THAP9: variants seen among roughly 807,000 people sequenced by gnomAD.
THAP9 encodes the protein THAP domain containing 9, also known as DNA transposase THAP9.
THAP9 carries 20 observed loss-of-function variants against 35.7 expected under a neutral mutation model. The ratio of observed to expected loss-of-function variants is 0.56; its 90% confidence interval spans 0.39 to 0.81. The LOEUF is 0.81. Ranked by LOEUF, THAP9 falls within the 40% of genes least tolerant of loss-of-function variation. The pLI is 0.00. For synonymous variants in THAP9, 335 were observed against 373.7 expected (o/e 0.90, Z 1.19); for missense variants, 870 against 1,047.4 (o/e 0.83, Z 2.34).
rs757112067 is a variant in THAP9 at position 82,904,883 on chromosome 4, A to G, written c.228A>G (p.Ile76Met). ...FQESDFESYG[I>M]RRKLKKGAVP... The stretch of plus-strand genomic sequence containing the variant: ...AAAGTGACTTTGAGTCATATGGCAT[A>G]AGAAGAAAGCTGAAAAAAGGAGCTG... The change falls in exon 2 of 5, where the codon ATA becomes ATG. Residue 76 changes from isoleucine (I) to methionine (M), a missense_variant. Ile to Met is a conservative substitution (Grantham distance 10). Coordinates refer to ENST00000302236, the MANE Select transcript of THAP9 (RefSeq NM_024672.6). The G allele has an allele frequency of 6.2e-7, 1 of 1,614,070 alleles. No individual in the cohort carries two copies. Among genetic ancestry groups the G allele is most frequent in the South Asian group, 1.1e-5 (1 of 91,084 alleles).
intron 1 of THAP9, among the ~76,000 whole-genome samples, chr4:82,904,063 T>C (rs1720539253): frequency 1.1e-5 from 1 of 92,692 alleles, no homozygotes; most frequent in African/African-American, 4.3e-5. Context: ...TCCCCCTTTT[T>C]TTTTTTTTTT....
chr4:82,909,446 AGATTTAT>A (rs574783057), intron 4 of THAP9, among the ~76,000 whole-genome samples: 1 of 151,260 alleles, frequency 6.6e-6, no homozygotes, highest in Non-Finnish European at 1.5e-5. Context: ...GTGTGCACTT[AGATTTAT>A]TAGTGTTTAC....
chr4:82,916,848 A>C (rs1721047541), intron 4 of THAP9, 96 bp from the exon 5 acceptor site: 3 of 1,079,750 alleles, frequency 2.8e-6, no homozygotes, highest in East Asian at 2.6e-5. Flanking sequence ...CTTTATTTCT[A>C]CAGGGATGGG....
chr4:82,919,667 C>A lies in THAP9; in HGVS notation c.*743C>A, dbSNP rs1015829499. The A allele has an allele frequency of 6.6e-6, 1 of 152,188 alleles. No homozygotes were observed. Among genetic ancestry groups the A allele is most frequent in the Non-Finnish European group, 1.5e-5 (1 of 68,026 alleles). The allele number at this position is 152,188 out of a possible 1,614,324, so 9.4% of individuals were successfully genotyped here. A position where few individuals can be genotyped will look rare whatever the true frequency, so the allele number is the denominator to read the frequency against. On this transcript the variant is annotated 3_prime_UTR_variant, in exon 5 of 5. Coordinates refer to ENST00000302236, the MANE Select transcript of THAP9 (RefSeq NM_024672.6). The stretch of plus-strand genomic sequence containing the variant: ...GTTTGACTTGAAAGAGCTCAATGCT[C>A]ATCGGAAAACAGGGAGAAACCTAAT...
rs1027720704 is a variant in THAP9, at chr4:82,907,914, C to G, written c.710C>G (p.Pro237Arg). Residue 237 changes from proline to arginine, a missense_variant, in exon 4 of 5, where the codon CCT becomes CGT. By Grantham distance (103) the Pro-to-Arg change is moderately radical. Transcript: ENST00000302236. ...TATGTAAGAAAGATTCTTAAGCTGC[C>G]TCATTCTTCCATCCTCAGAACGTAA... ...YDYVRKILKL[P>R]HSSILRTWLS... is the part of the protein sequence containing the mutation. 9 of 1,608,664 alleles carry G rather than the reference C, an allele frequency of 5.6e-6. No homozygotes were observed. The highest frequency in any genetic ancestry group is 1.3e-5 in the African/African-American group (1 of 74,708).
chr4:82,905,981 A>G (rs1720631025), intron 2 of THAP9: 1 of 457,760 alleles, frequency 2.2e-6, no homozygotes, highest in Non-Finnish European at 4.4e-6. Flanking sequence ...TTTTTGCACA[A>G]ATAACTTCTC....
intron 2 of THAP9, chr4:82,905,953 C>G (rs947424353): frequency 6.6e-6 from 3 of 456,698 alleles, no homozygotes; most frequent in African/African-American, 2.0e-5. Context: ...AAGCCATGCA[C>G]TGTCCACTAT....
At position 82,917,023 on chromosome 4, in the gene THAP9, G is replaced by A; in HGVS notation, c.811G>A (p.Asp271Asn). The A allele has an allele frequency of 1.3e-6, 2 of 1,596,104 alleles. No individual in the cohort carries two copies. Among genetic ancestry groups the A allele is most frequent in the Non-Finnish European group, 1.7e-6 (2 of 1,173,336 alleles). ...SFLQRRVENG[D>N]QLYQYCSLLI... ...TCTTCAACGAAGAGTAGAGAATGGA[G>A]ATCAGCTCTATCAATACTGTTCATT... The change falls in exon 5 of 5, where the codon GAT (aspartate) becomes AAT (asparagine). Residue 271 changes from aspartate (D) to asparagine (N), a missense_variant. By Grantham distance (23) the Asp-to-Asn change is conservative. Around this residue, in one of 3 missense-constraint regions of THAP9, gnomAD observed 440 missense variants for 501.2 expected, o/e 0.88. Transcript: ENST00000302236.
Position 82,918,800 on chromosome 4 carries a change from C to T in THAP9, c.2588C>T (p.Thr863Ile), listed in dbSNP as rs1231196347. 6.2e-7 allele frequency: 1 copy of T among 1,613,748 alleles called. No homozygotes were observed. The highest frequency in any genetic ancestry group is 8.5e-7 in the Non-Finnish European group (1 of 1,179,878). The change falls in exon 5 of 5, where the codon ACT becomes ATT. Residue 863 changes from threonine (T) to isoleucine (I), a missense_variant. Around this residue, in one of 3 missense-constraint regions of THAP9, gnomAD observed 414 missense variants for 500.8 expected, o/e 0.83. Transcript: ENST00000302236. ...CCTTTAAAACATCATTCAGAGAGAA[C>T]TGATATGAAAACTTTATCAAGGAAA... Reference protein sequence around the residue: ...QNPLKHHSERTDMKTLSRKHW... With the variant: ...QNPLKHHSERIDMKTLSRKHW...
chr4:82,906,897 A>T (rs1038135120), intron 3 of THAP9, among the ~76,000 whole-genome samples: 1 of 152,172 alleles, frequency 6.6e-6, no homozygotes, highest in Non-Finnish European at 1.5e-5. Context: ...ATGAAACCAT[A>T]TGGTTTATAC....
Position 82,918,709 on chromosome 4 carries a change from G to C in THAP9, c.2497G>C (p.Val833Leu). 1 of 1,613,912 alleles carries C rather than the reference G, an allele frequency of 6.2e-7. No individual in the cohort carries two copies. Among genetic ancestry groups the C allele is most frequent in the South Asian group, 1.1e-5 (1 of 91,068 alleles). ...DGEVCAINHF[V>L]KLLKDIIICF... Reference sequence around the variant, plus strand: ...AGAAGTGTGTGCCATCAATCACTTTGTCAAGTTGCTAAAGGATATAATAAT... The same window carrying C: ...AGAAGTGTGTGCCATCAATCACTTTCTCAAGTTGCTAAAGGATATAATAAT... The change falls in exon 5 of 5, where the codon GTC becomes CTC. Residue 833 changes from valine (V) to leucine (L), a missense_variant. Physicochemically the swap from Val to Leu is conservative, Grantham distance 32 (BLOSUM62 1). Around this residue, in one of 3 missense-constraint regions of THAP9, gnomAD observed 414 missense variants for 500.8 expected, o/e 0.83. Coordinates refer to ENST00000302236, the MANE Select transcript of THAP9 (RefSeq NM_024672.6).
rs1720292115 is a variant in THAP9, at chr4:82,900,776, G to A, written c.-27G>A. 2.5e-6 allele frequency: 4 copies of A among 1,613,296 alleles called. No homozygotes were observed. The highest frequency in any genetic ancestry group is 4.5e-5 in the East Asian group (2 of 44,896). On this transcript the variant is annotated 5_prime_UTR_variant, in exon 1 of 5. Transcript: ENST00000302236. ...TGATTCATGCTGTCGCGGGAACCCC[G>A]AAGGTGGGGCCCCACGTAACAAGAA... is the stretch of plus-strand genomic sequence containing the variant.
chr4:82,901,876 TTGAG>T (rs1720410769), intron 1 of THAP9, among the ~76,000 whole-genome samples: 1 of 152,176 alleles, frequency 6.6e-6, no homozygotes, highest in African/African-American at 2.4e-5. Context: ...CCAATTTTAA[TTGAG>T]TATTTACTGA....
Position 82,907,972 on chromosome 4 carries a change from T to C in THAP9, c.731+37T>C, listed in dbSNP as rs141749914. 4.6e-5 allele frequency: 73 copies of C among 1,585,516 alleles called. No individual in the cohort carries two copies. The African/African-American group carries it at 8.8e-4, about 19-fold the overall frequency. ...ATTTTTTTATTTTTTAAAAGTGACT[T>C]TCTTGTCAGGACATCTTGTTGATTG... On this transcript the variant is annotated intron_variant, in intron 4 of 4. Coordinates refer to ENST00000302236, the MANE Select transcript of THAP9 (RefSeq NM_024672.6).
chr4:82,916,522 C>G (rs572743885), intron 4 of THAP9, among the ~76,000 whole-genome samples: 2 of 152,304 alleles, frequency 1.3e-5, no homozygotes, highest in African/African-American at 2.4e-5. Flanking sequence ...CTTAACCTCT[C>G]CCTCTGTCCC....
At chr4:82,914,546 G>A (rs1720977657) in intron 4 of THAP9, among the ~76,000 whole-genome samples, 1 of 152,028 alleles carries the variant, frequency 6.6e-6, no homozygotes, top group African/African-American at 2.4e-5. Context: ...ATCTCATTGC[G>A]GTTTTGATTT....
rs747343620 is a variant in THAP9 at position 82,904,948 on chromosome 4, G to A, written c.276+17G>A. On this transcript the variant is annotated intron_variant, in intron 2 of 4. Coordinates refer to ENST00000302236, the MANE Select transcript of THAP9 (RefSeq NM_024672.6). ...CTATACAAGGTATTTAAATGTAGGTGTAAGTCAACAAAATGAAAATTTACA... is the reference window on the plus strand; with the variant it reads ...CTATACAAGGTATTTAAATGTAGGTATAAGTCAACAAAATGAAAATTTACA... 7.5e-6 allele frequency: 12 copies of A among 1,605,172 alleles called. No individual in the cohort carries two copies. The South Asian group carries it at 7.8e-5, about 10-fold the overall frequency.
chr4:82,904,025 TACTC>T (rs1720535736), intron 1 of THAP9, among the ~76,000 whole-genome samples: 3 of 150,862 alleles, frequency 2.0e-5, no homozygotes, highest in Admixed American at 1.3e-4. Flanking sequence ...CTCTAGCCCA[TACTC>T]ACTCAAGGGG....
chr4:82,907,443 C>T (rs922348142), intron 3 of THAP9, among the ~76,000 whole-genome samples: 2 of 151,916 alleles, frequency 1.3e-5, no homozygotes, highest in Admixed American at 6.5e-5. Context: ...CTAATTTTCA[C>T]CCTCAGATAA....
Sources: gnomAD v4.1 joint callset for allele counts (sites outside exome capture counted in the v4.1 genomes callset) on GRCh38, gnomAD v4.1.1 for gene constraint, gnomAD v4.1.1 regional missense constraint, MANE v1.5 for transcripts, NCBI Gene and HGNC (gene_info 2026-07-23, HGNC 2026-07-21) for gene names.